The following ISM2 variants were observed in gnomAD, a reference collection of about 807,000 sequenced individuals.
ISM2 encodes the protein isthmin 2.
ISM2 carries 50 observed loss-of-function variants against 58.0 expected under a neutral mutation model. The ratio of observed to expected loss-of-function variants is 0.86; its 90% CI spans 0.69 to 1.09. ISM2 has a LOEUF of 1.09. Ranked by LOEUF, ISM2 falls within the 50% of genes least tolerant of loss-of-function variation. ISM2 has a pLI of 0.00. For synonymous variants in ISM2, 303 were observed against 312.4 expected (o/e 0.97, Z 0.32); for missense variants, 723 against 745.0 (o/e 0.97, Z 0.34).
At chr14:77,477,886 T>A (rs1380458590) in intron 6 of ISM2, among the ~76,000 whole-genome samples, 1 of 151,988 alleles carries the variant, frequency 6.6e-6, no homozygotes, top group African/African-American at 2.4e-5. Context: ...CTGCACTGCA[T>A]CCCCCTCTCC....
intron 6 of ISM2, among the ~76,000 whole-genome samples, chr14:77,477,959 C>G (rs1384023438): frequency 2.6e-5 from 4 of 152,182 alleles, no homozygotes; most frequent in Non-Finnish European, 5.9e-5. Context: ...AACGTCCCCA[C>G]CCTATCCTGC....
intron 1 of ISM2, among the ~76,000 whole-genome samples, chr14:77,485,254 A>G (rs59765982): frequency 0.15 from 22,584 of 152,198 alleles, 1,789 homozygotes; most frequent in Admixed American, 0.21. Flanking sequence ...GTTGTTTCAG[A>G]GAGTGGTGTC....
chr14:77,489,076 C>T (rs1278857754), intron 1 of ISM2, among the ~76,000 whole-genome samples: 1 of 152,138 alleles, frequency 6.6e-6, no homozygotes, highest in Non-Finnish European at 1.5e-5. Flanking sequence ...CAGGCTTGGC[C>T]GGGCAGCCCC....
intron 1 of ISM2, among the ~76,000 whole-genome samples, chr14:77,488,576 G>A (rs532528182): frequency 2.0e-5 from 3 of 152,152 alleles, no homozygotes; most frequent in Non-Finnish European, 2.9e-5. Context: ...CATGACCTCC[G>A]GCAGGTTACT....
intron 1 of ISM2, among the ~76,000 whole-genome samples, chr14:77,487,914 C>T (rs959834657): frequency 6.6e-6 from 1 of 152,144 alleles, no homozygotes; most frequent in Admixed American, 6.5e-5. Context: ...GCCAACTCCA[C>T]CAGTCCTGGT....
chr14:77,489,364 A>G (rs1193694671), intron 1 of ISM2, among the ~76,000 whole-genome samples: 1 of 152,148 alleles, frequency 6.6e-6, no homozygotes, highest in Non-Finnish European at 1.5e-5. Context: ...CCCAGCACAC[A>G]ACAGCAATTG....
At chr14:77,485,437 C>T (rs1424867192) in intron 1 of ISM2, among the ~76,000 whole-genome samples, 2 of 152,268 alleles carry the variant, frequency 1.3e-5, no homozygotes, top group Non-Finnish European at 2.9e-5. Context: ...GGCTGTGTTC[C>T]TCCGCCTGCC....
At chr14:77,498,472 A>C in intron 1 of ISM2, 181 bp downstream of exon 1, 1 of 1,169,930 alleles carries the variant, frequency 8.5e-7, no homozygotes, top group Non-Finnish European at 1.2e-6. Flanking sequence ...GAAGCCCCGA[A>C]GTCCGGCGCA....
In ISM2 at chr14:77,484,362, C is replaced by G; in HGVS notation, c.588G>C (p.Leu196Phe). Residue 196 changes from leucine to phenylalanine, a missense_variant, in exon 3 of 7, where the codon TTG becomes TTC. Coordinates refer to ENST00000342219, the MANE Select transcript of ISM2 (RefSeq NM_199296.3). ...TAGGGGTACTCAAGGTTGCGTGGAC[C>G]AATTCTGGCAGCTTCTGCAGCTCCA... Reference protein sequence around the residue: ...LLLELQKLPELVHATLSTPNP... With the variant: ...LLLELQKLPEFVHATLSTPNP... The G allele has an allele frequency of 3.1e-6, 5 of 1,611,954 alleles. No individual in the cohort carries two copies. The highest frequency in any genetic ancestry group is 4.2e-6 in the Non-Finnish European group (5 of 1,179,054).
At chr14:77,482,200 G>A (rs746212992) in intron 4 of ISM2, 122 bp downstream of exon 4, 2 of 661,706 alleles carry the variant, frequency 3.0e-6, no homozygotes, top group Non-Finnish European at 2.6e-6. Context: ...GTTTGAACAA[G>A]GCCTAAGCTC....
At chr14:77,492,820 CA>C (rs1342690935) in intron 1 of ISM2, among the ~76,000 whole-genome samples, 3 of 152,042 alleles carry the variant, frequency 2.0e-5, no homozygotes, top group Non-Finnish European at 2.9e-5. Flanking sequence ...CCAGCCTGAC[CA>C]ACATAGCTAC....
Position 77,484,908 on chromosome 14 carries a change from G to T in ISM2, c.153C>A (p.Ser51=). 1 of 1,557,584 alleles carries T rather than the reference G, an allele frequency of 6.4e-7. No individual in the cohort carries two copies. The highest frequency in any genetic ancestry group is 1.2e-5 in the South Asian group (1 of 80,666). Residue 51 remains serine, a synonymous_variant, in exon 2 of 7, where the codon TCC becomes TCA. Coordinates refer to ENST00000342219, the MANE Select transcript of ISM2 (RefSeq NM_199296.3). Reference sequence around the variant, plus strand: ...CTTCCTTCAGAGGCCTAGGATCTGGGGAGGCTGAGACCTGAGGGAGAGAGA... The same window carrying T: ...CTTCCTTCAGAGGCCTAGGATCTGGTGAGGCTGAGACCTGAGGGAGAGAGA... ...SLTRLAEVSA[S]PDPRPLKEEE...
At chr14:77,493,923 T>C (rs1459243025) in intron 1 of ISM2, among the ~76,000 whole-genome samples, 1 of 151,848 alleles carries the variant, frequency 6.6e-6, no homozygotes, top group Non-Finnish European at 1.5e-5. Context: ...AGGTGCTTGC[T>C]ACCATGCCCA....
At chr14:77,496,170 G>C (rs2079238486) in intron 1 of ISM2, among the ~76,000 whole-genome samples, 1 of 140,298 alleles carries the variant, frequency 7.1e-6, no homozygotes, top group Admixed American at 7.4e-5. Context: ...AGCCGAGATT[G>C]AGCAAGACTC....
intron 1 of ISM2, chr14:77,498,257 C>G: frequency 7.7e-7 from 1 of 1,305,782 alleles, no homozygotes; most frequent in Non-Finnish European, 1.0e-6. Context: ...CCTGGCCCGC[C>G]ACTCCGCAAA....
At chr14:77,496,248 G>T (rs565318967) in intron 1 of ISM2, among the ~76,000 whole-genome samples, 10 of 151,918 alleles carry the variant, frequency 6.6e-5, no homozygotes, top group African/African-American at 2.4e-4. Flanking sequence ...CAGCACTTTG[G>T]GAGGCTGAGG....
chr14:77,476,237 G>T, intron 6 of ISM2, 125 bp from the exon 7 acceptor site: 2 of 1,007,602 alleles, frequency 2.0e-6, no homozygotes, highest in Non-Finnish European at 2.8e-6. Flanking sequence ...GCAAAGGCGT[G>T]GCTTGGTAGG....
intron 1 of ISM2, chr14:77,498,337 G>A (rs1386686061): frequency 7.1e-7 from 1 of 1,408,368 alleles, no homozygotes; most frequent in East Asian, 3.4e-5. Context: ...GGCTGCAGGC[G>A]AGGTCCGCTC....
At position 77,475,272 on chromosome 14, in the gene ISM2, A is replaced by C. The variant is rs2079089143; in HGVS notation, c.*323T>G. 1 of 213,848 alleles carries C rather than the reference A, an allele frequency of 4.7e-6. No individual in the cohort carries two copies. Among genetic ancestry groups the C allele is most frequent in the Non-Finnish European group, 9.2e-6 (1 of 109,082 alleles). The allele number at this position is 213,848 out of a possible 1,614,324, so 13.2% of individuals were successfully genotyped here. The stretch of plus-strand genomic sequence containing the variant: ...GTGCAGAGCCAGGGCAGAAGAGCCC[A>C]GCTCCCAAGGAGGAGAAAAATGAGT... On this transcript the variant is annotated 3_prime_UTR_variant, in exon 7 of 7. Coordinates refer to ENST00000342219, the MANE Select transcript of ISM2 (RefSeq NM_199296.3). This position sits in a 1 kb window ranked among gnomAD's most constrained non-coding sequence, Gnocchi z 4.1.
Sources: allele counts gnomAD v4.1 joint callset (sites outside exome capture counted in the v4.1 genomes callset), GRCh38; gene constraint gnomAD v4.1.1; non-coding constraint Gnocchi (gnomAD v3.1); transcripts MANE v1.5; gene names NCBI Gene and HGNC (gene_info 2026-07-23, HGNC 2026-07-21).